SGCD: variants seen among roughly 807,000 people sequenced by gnomAD.
SGCD encodes the protein sarcoglycan delta.
In SGCD, 18 loss-of-function variants were observed where a neutral mutation model predicts 36.6. The ratio of observed to expected loss-of-function variants is 0.49; its 90% CI spans 0.34 to 0.73. The LOEUF is 0.73. SGCD is among the 30% of genes least tolerant of loss of function. The pLI, the probability that SGCD is intolerant of heterozygous loss-of-function variation, is 0.01. For missense variants in SGCD, 387 were observed against 346.7 expected, an observed-to-expected ratio of 1.12 and a Z score of -0.92; for synonymous variants, 133 against 130.6, an observed-to-expected ratio of 1.02 and a Z score of -0.12.
At chr5:155,808,027 T>TA in the SGCD span, among the ~76,000 whole-genome samples, 1 of 152,184 alleles carries the variant, frequency 6.6e-6, no homozygotes, top group African/African-American at 2.4e-5. Context: ...TGCAACCTTA[T>TA]AAAAAATAAG....
At chr5:156,427,161 C>T (rs557947700) in intron 3 of SGCD, among the ~76,000 whole-genome samples, 1 of 152,232 alleles carries the variant, frequency 6.6e-6, no homozygotes, top group South Asian at 2.1e-4. Flanking sequence ...AGTATTGATT[C>T]TACCCATCCA....
At chr5:156,230,573 G>A (rs1398088459) in intron 3 of SGCD, among the ~76,000 whole-genome samples, 2 of 152,112 alleles carry the variant, frequency 1.3e-5, no homozygotes, top group South Asian at 2.1e-4. Context: ...GTTAGTAATT[G>A]GGGTGTCTCC....
intron 1 of SGCD, among the ~76,000 whole-genome samples, chr5:156,328,245 T>C (rs2127700501): frequency 6.6e-6 from 1 of 152,238 alleles, no homozygotes; most frequent in East Asian, 1.9e-4. Flanking sequence ...CAGTACAATG[T>C]CATTGCATTT....
Position 156,557,859 on chromosome 5 carries a change from A to T in SGCD, c.295-31372A>T, listed in dbSNP as rs1016583576. On this transcript the variant is annotated intron_variant, in intron 4 of 8. Transcript: ENST00000337851. ...GTATCTTATATAACTTTAATAACTTAATATCTAAAATTACCTCTGTGCCTT... is the reference window on the plus strand; with the variant it reads ...GTATCTTATATAACTTTAATAACTTTATATCTAAAATTACCTCTGTGCCTT... Among the ~76,000 whole-genome samples, 56 of 151,914 alleles carry T rather than the reference A, an allele frequency of 3.7e-4. 1 individual carries two copies. Among genetic ancestry groups the T allele is most frequent in the Non-Finnish European group, 4.1e-4 (28 of 67,934 alleles).
intron 1 of SGCD, among the ~76,000 whole-genome samples, chr5:155,916,970 A>G (rs907588739): frequency 6.6e-6 from 1 of 152,186 alleles, no homozygotes; most frequent in Non-Finnish European, 1.5e-5. Context: ...GCTTTTGCTT[A>G]AACTGTGACA....
At chr5:155,768,707 A>G in the SGCD span, among the ~76,000 whole-genome samples, 1 of 152,040 alleles carries the variant, frequency 6.6e-6, no homozygotes, top group Non-Finnish European at 1.5e-5. Context: ...GGGCCAGGAG[A>G]GATGAATGTT....
rs1367162295 is a variant in SGCD at position 156,468,835 on chromosome 5, T to TA, written c.193-39759dup. Among the ~76,000 whole-genome samples the TA allele has an allele frequency of 3.3e-5, 5 of 152,054 alleles. No individual in the cohort carries two copies. In the South Asian group the frequency reaches 1.0e-3, roughly 32 times the overall value. Reference sequence around the variant, plus strand: ...GGTGAAACCCCGCCTCTACTAATAATAAAAAAACTAGCCAGGCGTGATGGC... The same window carrying TA: ...GGTGAAACCCCGCCTCTACTAATAATAAAAAAAACTAGCCAGGCGTGATGGC... On this transcript the variant is annotated intron_variant, in intron 3 of 8. Transcript: ENST00000337851.
At chr5:155,977,831 C>T (rs1758148175) in intron 1 of SGCD, among the ~76,000 whole-genome samples, 1 of 152,148 alleles carries the variant, frequency 6.6e-6, no homozygotes, top group South Asian at 2.1e-4. Flanking sequence ...CGCAGTGGCT[C>T]ATGCCCATAA....
chr5:155,960,861 A>G (rs897165861), intron 1 of SGCD, among the ~76,000 whole-genome samples: 12 of 152,246 alleles, frequency 7.9e-5, no homozygotes, highest in Non-Finnish European at 1.5e-4. Flanking sequence ...TGACACACAC[A>G]TAATAAGTAG....
At chr5:156,400,894 G>A (rs1021502064) in intron 3 of SGCD, among the ~76,000 whole-genome samples, 1 of 152,208 alleles carries the variant, frequency 6.6e-6, no homozygotes, top group Non-Finnish European at 1.5e-5. Context: ...TTAGAATGAA[G>A]AACTGCATTT....
chr5:156,548,388 A>G (rs931869086), intron 4 of SGCD, among the ~76,000 whole-genome samples: 5 of 152,262 alleles, frequency 3.3e-5, no homozygotes. Context: ...TTTTGTTTGG[A>G]TCAGTAAAAG....
chr5:156,271,960 T>G (rs1055787439), intron 3 of SGCD, among the ~76,000 whole-genome samples: 1 of 152,256 alleles, frequency 6.6e-6, no homozygotes, highest in East Asian at 1.9e-4. Context: ...AAAGTTTTGC[T>G]TTTCCTTTCT....
intron 3 of SGCD, among the ~76,000 whole-genome samples, chr5:156,398,020 T>C (rs1477712841): frequency 1.3e-5 from 2 of 152,218 alleles, no homozygotes; most frequent in East Asian, 3.8e-4. Flanking sequence ...ATACAAGTGT[T>C]CCAGGGAATT....
At chr5:156,130,822 G>A (rs1762305204) in intron 3 of SGCD, among the ~76,000 whole-genome samples, 2 of 152,008 alleles carry the variant, frequency 1.3e-5, no homozygotes, top group African/African-American at 4.8e-5. Flanking sequence ...TGCCTCCCAG[G>A]TTCAAGTGAT....
At chr5:155,744,756 A>G in the SGCD span, among the ~76,000 whole-genome samples, 1 of 152,324 alleles carries the variant, frequency 6.6e-6, no homozygotes, top group South Asian at 2.1e-4. Flanking sequence ...GACAGAAAGG[A>G]TAAACTGAAA....
At chr5:156,046,946 G>GA (rs1759780748) in intron 1 of SGCD, among the ~76,000 whole-genome samples, 1 of 152,066 alleles carries the variant, frequency 6.6e-6, no homozygotes, top group Admixed American at 6.6e-5. Flanking sequence ...AGTTTCTGAA[G>GA]AAAATTAAAA....
At chr5:156,061,938 T>A (rs1760222557) in intron 1 of SGCD, among the ~76,000 whole-genome samples, 1 of 112,580 alleles carries the variant, frequency 8.9e-6, no homozygotes, top group East Asian at 2.0e-4. Context: ...TTTTTTTTTT[T>A]TTTTTTATTA....
At chr5:156,384,013 T>G (rs1771136664) in intron 3 of SGCD, among the ~76,000 whole-genome samples, 1 of 152,206 alleles carries the variant, frequency 6.6e-6, no homozygotes, top group South Asian at 2.1e-4. Context: ...CTGTTTAAAT[T>G]GTGTTCATGT....
chr5:155,957,934 G>C (rs555343716), intron 1 of SGCD, among the ~76,000 whole-genome samples: 1 of 152,248 alleles, frequency 6.6e-6, no homozygotes, highest in Non-Finnish European at 1.5e-5. Flanking sequence ...CACAGGTGCA[G>C]AGTTGTAGGT....
Sources: gnomAD v4.1 joint callset for allele counts (sites outside exome capture counted in the v4.1 genomes callset) on GRCh38, gnomAD v4.1.1 for gene constraint, MANE v1.5 for transcripts, NCBI Gene and HGNC (gene_info 2026-07-23, HGNC 2026-07-21) for gene names.